CNTNAP5: variants seen among roughly 807,000 people sequenced by gnomAD.
The protein encoded by CNTNAP5 is contactin-associated protein-like 5.
A neutral mutation model predicts 150.2 loss-of-function variants in CNTNAP5; 72 were observed. The ratio of observed to expected loss-of-function variants is 0.48; its 90% confidence interval spans 0.40 to 0.58. The LOEUF (loss-of-function observed/expected upper bound fraction) is 0.58. Among genes scored for constraint, CNTNAP5 ranks in the 20% least tolerant of loss-of-function variants. The pLI is 0.00. For missense variants in CNTNAP5, 1,636 were observed against 1,626.2 expected (o/e 1.01, Z -0.10); for synonymous variants, 672 against 619.8 (o/e 1.08, Z -1.25).
chr2:124,857,487 C>A (rs1283232008), intron 19 of CNTNAP5, among the ~76,000 whole-genome samples: 1 of 151,982 alleles, frequency 6.6e-6, no homozygotes, highest in Non-Finnish European at 1.5e-5. Flanking sequence ...CAGATTCTAG[C>A]AAGCTCCTTT....
At chr2:124,477,146 T>C (rs1355880631) in intron 7 of CNTNAP5, among the ~76,000 whole-genome samples, 1 of 152,154 alleles carries the variant, frequency 6.6e-6, no homozygotes, top group Admixed American at 6.6e-5. Context: ...ATTCCTGGAA[T>C]TGGAAATCTC....
chr2:124,340,037 C>T (rs776737949), intron 3 of CNTNAP5, among the ~76,000 whole-genome samples: 1 of 152,168 alleles, frequency 6.6e-6, no homozygotes, highest in African/African-American at 2.4e-5. Context: ...CACATTACTC[C>T]TGAGCAGTAA....
intron 1 of CNTNAP5, among the ~76,000 whole-genome samples, chr2:124,029,449 C>CT (rs1680984642): frequency 6.6e-6 from 1 of 151,982 alleles, no homozygotes; most frequent in Non-Finnish European, 1.5e-5. Flanking sequence ...CCTATGAGCT[C>CT]TTTTTCCTTT....
At chr2:124,107,291 C>T (rs1387684786) in intron 1 of CNTNAP5, among the ~76,000 whole-genome samples, 1 of 152,148 alleles carries the variant, frequency 6.6e-6, no homozygotes, top group Non-Finnish European at 1.5e-5. Flanking sequence ...TTGTCCCTGA[C>T]CATGAAGACC....
At chr2:124,520,836 G>A (rs1230028103) in intron 8 of CNTNAP5, among the ~76,000 whole-genome samples, 2 of 152,148 alleles carry the variant, frequency 1.3e-5, no homozygotes, top group African/African-American at 4.8e-5. Context: ...TGGGAAAAAA[G>A]CAATCTCATA....
At chr2:124,823,892 G>C (rs948114503) in intron 19 of CNTNAP5, among the ~76,000 whole-genome samples, 1 of 151,824 alleles carries the variant, frequency 6.6e-6, no homozygotes, top group Admixed American at 6.6e-5. Flanking sequence ...CATAGGGCTG[G>C]CCATGAGTGA....
At chr2:124,127,747 A>G (rs1180611084) in intron 1 of CNTNAP5, among the ~76,000 whole-genome samples, 1 of 152,218 alleles carries the variant, frequency 6.6e-6, no homozygotes, top group African/African-American at 2.4e-5. Flanking sequence ...GCCCTCAGAA[A>G]TAATACCACA....
chr2:124,724,453 C>A (rs1246232456), intron 13 of CNTNAP5, among the ~76,000 whole-genome samples: 1 of 152,070 alleles, frequency 6.6e-6, no homozygotes, highest in Non-Finnish European at 1.5e-5. Flanking sequence ...GCAAGGCGCA[C>A]AAGTCAGCCC....
intron 5 of CNTNAP5, among the ~76,000 whole-genome samples, chr2:124,435,074 T>C (rs1692494641): frequency 6.6e-6 from 1 of 152,160 alleles, no homozygotes; most frequent in Non-Finnish European, 1.5e-5. Flanking sequence ...CGGGGAAACA[T>C]TTTGGTTGCT....
At chr2:124,750,982 C>CAAAAAAA (rs745635606) in intron 14 of CNTNAP5, among the ~76,000 whole-genome samples, 2 of 75,442 alleles carry the variant, frequency 2.7e-5, no homozygotes, top group Admixed American at 1.6e-4. Context: ...GACTCCATCT[C>CAAAAAAA]AAAAAAAAAA....
At chr2:124,448,112 C>G (rs1399683164) in intron 6 of CNTNAP5, among the ~76,000 whole-genome samples, 1 of 151,648 alleles carries the variant, frequency 6.6e-6, no homozygotes, top group Non-Finnish European at 1.5e-5. Context: ...ACTAAAAACA[C>G]AAAAAACTAG....
intron 3 of CNTNAP5, among the ~76,000 whole-genome samples, chr2:124,307,021 G>T (rs537047570): frequency 1.3e-5 from 2 of 152,122 alleles, no homozygotes; most frequent in Admixed American, 6.5e-5. Context: ...AGCCACTGCA[G>T]CCAGCCTGGT....
intron 5 of CNTNAP5, among the ~76,000 whole-genome samples, chr2:124,441,934 GGT>G (rs141354595): frequency 0.13 from 19,511 of 151,866 alleles, 1,629 homozygotes; most frequent in Non-Finnish European, 0.19. Context: ...TTTGAGGAAA[GGT>G]CAACAAATTG....
chr2:124,287,163 C>T (rs1405481388), intron 3 of CNTNAP5, among the ~76,000 whole-genome samples: 1 of 152,184 alleles, frequency 6.6e-6, no homozygotes, highest in Non-Finnish European at 1.5e-5. Context: ...CGGGTGCTTA[C>T]CTGTGCCAGG....
At chr2:124,402,314 C>G (rs1015774988) in intron 3 of CNTNAP5, among the ~76,000 whole-genome samples, 8 of 152,102 alleles carry the variant, frequency 5.3e-5, no homozygotes, top group African/African-American at 1.9e-4. Context: ...AGCACTAATA[C>G]CCACTGAAGG....
chr2:124,108,393 C>T (rs1345215382), intron 1 of CNTNAP5, among the ~76,000 whole-genome samples: 1 of 152,046 alleles, frequency 6.6e-6, no homozygotes, highest in Non-Finnish European at 1.5e-5. Context: ...ATAGGCTTAC[C>T]CTTCTACTAC....
At chr2:124,387,240 G>T (rs1690952986) in intron 3 of CNTNAP5, among the ~76,000 whole-genome samples, 1 of 152,210 alleles carries the variant, frequency 6.6e-6, no homozygotes, top group African/African-American at 2.4e-5. Flanking sequence ...CATCTTTTCT[G>T]CTGGGGATAG....
rs60326687 is a variant in CNTNAP5 at position 124,790,586 on chromosome 2, C to G, written c.2992+445C>G. On this transcript the variant is annotated intron_variant, in intron 18 of 23. Coordinates refer to ENST00000682447, the MANE Select transcript of CNTNAP5 (RefSeq NM_001367498.1). ...GAGAATATCAGTAAATTAGTAAACA[C>G]AGTACCGTGTATTTGGTGAAATCTC... is the stretch of plus-strand genomic sequence containing the variant. Among the ~76,000 whole-genome samples the G allele has an allele frequency of 2.3e-3, 356 of 152,270 alleles. 5 individuals are homozygous for G. The highest frequency in any genetic ancestry group is 7.6e-3 in the African/African-American group (316 of 41,558).
chr2:124,065,732 T>G (rs1682136087), intron 1 of CNTNAP5, among the ~76,000 whole-genome samples: 1 of 152,184 alleles, frequency 6.6e-6, no homozygotes, highest in South Asian at 2.1e-4. Context: ...GGAATTCAAG[T>G]GCTGAGCAAT....
Sources: gnomAD v4.1 joint callset for allele counts (sites outside exome capture counted in the v4.1 genomes callset) on GRCh38, gnomAD v4.1.1 for gene constraint, MANE v1.5 for transcripts, NCBI Gene and HGNC (gene_info 2026-07-23, HGNC 2026-07-21) for gene names.